FRMD4A: variants seen among roughly 807,000 people sequenced by gnomAD.
FRMD4A encodes the protein FERM domain containing 4A.
Under a neutral mutation model 129.1 loss-of-function variants are expected in FRMD4A, and 29 were observed. That is an observed-to-expected ratio of 0.22 (90% CI 0.17 to 0.31). The LOEUF (loss-of-function observed/expected upper bound fraction) is 0.31. FRMD4A is among the 10% of genes least tolerant of loss of function. The probability of loss-of-function intolerance (pLI) is 1.00; values close to 1 mark genes in which losing one functional copy is unlikely to be tolerated. For missense variants in FRMD4A, 1,272 were observed against 1,375.8 expected (o/e 0.92, Z 1.19); for synonymous variants, 634 against 571.6 (o/e 1.11, Z -1.56).
rs141652398 is a variant in FRMD4A, at chr10:14,233,082, C to G, written c.45+96976G>C. Among the ~76,000 whole-genome samples, 4 of 152,274 alleles carry G rather than the reference C, an allele frequency of 2.6e-5. No individual in the cohort carries two copies. The East Asian group carries it at 7.7e-4, about 29-fold the overall frequency. On this transcript the variant is annotated intron_variant, in intron 2 of 24. Coordinates refer to ENST00000357447, the MANE Select transcript of FRMD4A (RefSeq NM_018027.5). ...GGCATTTTCTTAATCCTCTGAGACT[C>G]AGTTTCCTTATCTGTAAGATGGGAA... is the stretch of plus-strand genomic sequence containing the variant.
chr10:13,699,054 C>T (rs371119071), intron 14 of FRMD4A, among the ~76,000 whole-genome samples: 5 of 128,188 alleles, frequency 3.9e-5, no homozygotes, highest in Non-Finnish European at 6.4e-5. Context: ...CTACAATAAT[C>T]TTTTTTTTTT....
chr10:14,122,605 G>C (rs150951320), intron 2 of FRMD4A, among the ~76,000 whole-genome samples: 3 of 151,438 alleles, frequency 2.0e-5, no homozygotes, highest in Admixed American at 6.6e-5. Flanking sequence ...CAAGTGGGGT[G>C]GGGGGTAGGG....
chr10:14,043,599 G>A (rs941022147), intron 2 of FRMD4A, among the ~76,000 whole-genome samples: 14 of 152,040 alleles, frequency 9.2e-5, no homozygotes, highest in Admixed American at 8.5e-4. Context: ...GTTTCCTTTG[G>A]CTGGATGATT....
intron 2 of FRMD4A, among the ~76,000 whole-genome samples, chr10:14,134,152 AT>A (rs11322125): frequency 0.08 from 12,182 of 151,988 alleles, 742 homozygotes; most frequent in African/African-American, 0.16. Context: ...TCATTTTACC[AT>A]TTTCTCTTTG....
intron 14 of FRMD4A, among the ~76,000 whole-genome samples, chr10:13,698,230 C>T (rs1346183073): frequency 1.3e-5 from 2 of 152,186 alleles, no homozygotes; most frequent in African/African-American, 2.4e-5. Flanking sequence ...CTGACTCGAA[C>T]CACTAGACCT....
At chr10:14,021,876 C>T (rs77313833) in intron 2 of FRMD4A, among the ~76,000 whole-genome samples, 6,615 of 152,098 alleles carry the variant, frequency 0.043, 168 homozygotes, top group African/African-American at 0.056. Flanking sequence ...ATCACCAGAA[C>T]GGCATCTGAA....
intron 2 of FRMD4A, among the ~76,000 whole-genome samples, chr10:14,004,910 T>A (rs2095656330): frequency 6.6e-6 from 1 of 152,244 alleles, no homozygotes; most frequent in Non-Finnish European, 1.5e-5. Flanking sequence ...ATTTTGTAGC[T>A]TAATTCTAGC....
chr10:13,692,554 T>A (rs963840253), intron 15 of FRMD4A: 4 of 152,268 alleles, frequency 2.6e-5, no homozygotes, highest in Non-Finnish European at 5.9e-5. Context: ...GGCCTCAGCC[T>A]GTCCAAGGAG....
intron 2 of FRMD4A, among the ~76,000 whole-genome samples, chr10:14,011,204 A>G (rs2095681094): frequency 6.6e-6 from 1 of 152,244 alleles, no homozygotes; most frequent in Admixed American, 6.5e-5. Flanking sequence ...CCCAACAGGA[A>G]AATGGAAAAC....
chr10:13,799,117 A>G (rs2093194668), intron 4 of FRMD4A, among the ~76,000 whole-genome samples: 1 of 152,174 alleles, frequency 6.6e-6, no homozygotes, highest in South Asian at 2.1e-4. Flanking sequence ...AGTCTACAGA[A>G]CTTGCTCTCT....
At chr10:14,174,563 T>TTCAC (rs1841634657) in intron 2 of FRMD4A, among the ~76,000 whole-genome samples, 1 of 151,650 alleles carries the variant, frequency 6.6e-6, no homozygotes, top group Non-Finnish European at 1.5e-5. Context: ...CATTCATTCA[T>TTCAC]TCGTTCATCA....
intron 2 of FRMD4A, chr10:13,890,978 G>T: frequency 2.8e-6 from 1 of 361,010 alleles, no homozygotes; most frequent in Non-Finnish European, 3.9e-6. Flanking sequence ...GGCAGCCCAC[G>T]CAGCTTTCTC....
intron 24 of FRMD4A, chr10:13,648,093 G>A (rs987720606): frequency 6.6e-5 from 10 of 152,188 alleles, no homozygotes; most frequent in African/African-American, 2.4e-4. Flanking sequence ...AGGAACAACT[G>A]GATGTTGTAA....
intron 13 of FRMD4A, among the ~76,000 whole-genome samples, chr10:13,705,733 G>A (rs776528584): frequency 4.6e-5 from 7 of 152,278 alleles, no homozygotes; most frequent in African/African-American, 9.6e-5. Flanking sequence ...TTCTGGCCGC[G>A]AAACCCCTTG....
At chr10:13,658,131 T>TTA (rs2082329267) in intron 21 of FRMD4A, among the ~76,000 whole-genome samples, 1 of 100,184 alleles carries the variant, frequency 1.0e-5, no homozygotes, top group South Asian at 3.4e-4. Flanking sequence ...CCTGTCTCTC[T>TTA]TAAAAAAAAA....
At chr10:13,813,802 A>G (rs2093490113) in intron 3 of FRMD4A, among the ~76,000 whole-genome samples, 1 of 152,248 alleles carries the variant, frequency 6.6e-6, no homozygotes, top group Admixed American at 6.5e-5. Flanking sequence ...GAAAAGATCA[A>G]CATTCAAAAT....
At chr10:13,811,571 CAAAA>C (rs11361577) in intron 3 of FRMD4A, among the ~76,000 whole-genome samples, 3 of 136,296 alleles carry the variant, frequency 2.2e-5, no homozygotes, top group Admixed American at 7.4e-5. Flanking sequence ...GACTCTGCCT[CAAAA>C]AAAAAAAAAA....
intron 2 of FRMD4A, among the ~76,000 whole-genome samples, chr10:13,964,898 A>G (rs1044894466): frequency 9.2e-5 from 14 of 151,912 alleles, no homozygotes; most frequent in African/African-American, 2.7e-4. Context: ...GTTGGCCAGG[A>G]TGGTCTCGAT....
chr10:13,668,757 C>G (rs1480323425), intron 17 of FRMD4A, among the ~76,000 whole-genome samples: 1 of 152,168 alleles, frequency 6.6e-6, no homozygotes, highest in African/African-American at 2.4e-5. Flanking sequence ...GCTTAAGGGC[C>G]AGGTATCTGC....
Sources: gnomAD v4.1 joint callset for allele counts (sites outside exome capture counted in the v4.1 genomes callset) on GRCh38, gnomAD v4.1.1 for gene constraint, MANE v1.5 for transcripts, NCBI Gene and HGNC (gene_info 2026-07-23, HGNC 2026-07-21) for gene names.